Variants in USP37 observed in about 807,000 individuals in gnomAD.
The protein encoded by USP37 is ubiquitin specific peptidase 37.
Under a neutral mutation model 124.0 loss-of-function variants are expected in USP37, and 27 were observed. That is an observed-to-expected ratio of 0.22 (90% CI 0.16 to 0.30). The LOEUF (loss-of-function observed/expected upper bound fraction) is 0.30. Ranked by LOEUF, USP37 falls within the 10% of genes least tolerant of loss-of-function variation. The pLI, the probability that USP37 is intolerant of heterozygous loss-of-function variation, is 1.00. For synonymous variants in USP37, 365 were observed against 388.0 expected (o/e 0.94, Z 0.70); for missense variants, 889 against 1,140.4 (o/e 0.78, Z 3.17).
chr2:218,457,286 A>G, intron 23 of USP37, 125 bp from the exon 24 acceptor site: 1 of 906,352 alleles, frequency 1.1e-6, no homozygotes, highest in Non-Finnish European at 1.7e-6. Flanking sequence ...AGAATCAATT[A>G]AAAAATCTGT....
At position 218,454,654 on chromosome 2, in the gene USP37, A is replaced by G. The variant is rs769616490; in HGVS notation, c.*276T>C. ...TGTCTGTGTGTGTGTATACACACAT[A>G]CACAGATATATATTTACAACATGTA... On this transcript the variant is annotated 3_prime_UTR_variant, in exon 26 of 26. Coordinates refer to ENST00000258399, the MANE Select transcript of USP37 (RefSeq NM_020935.3). 14 of 423,292 alleles carry G rather than the reference A, an allele frequency of 3.3e-5. No homozygotes were observed. Among genetic ancestry groups the G allele is most frequent in the Middle Eastern group, 6.9e-4 (1 of 1,452 alleles). The allele number at this position is 423,292 out of a possible 1,614,324, so 26.2% of individuals were successfully genotyped here. A position where few individuals can be genotyped will look rare whatever the true frequency, so the allele number is the denominator to read the frequency against.
At chr2:218,530,066 A>C (rs938391462) in intron 9 of USP37, 26 bp from the exon 10 acceptor site, 7 of 1,556,868 alleles carry the variant, frequency 4.5e-6, no homozygotes, top group Non-Finnish European at 4.4e-6. Context: ...ACAAAGGAAA[A>C]ACTTAATTCC....
intron 8 of USP37, among the ~76,000 whole-genome samples, chr2:218,539,868 G>A (rs1015587796): frequency 2.5e-4 from 38 of 151,898 alleles, no homozygotes; most frequent in Non-Finnish European, 5.1e-4. Flanking sequence ...AAATTAGCCG[G>A]GTGTGATGGC....
At chr2:218,503,508 G>C (rs1003561104) in intron 11 of USP37, among the ~76,000 whole-genome samples, 18 of 152,312 alleles carry the variant, frequency 1.2e-4, no homozygotes, top group Non-Finnish European at 2.2e-4. Flanking sequence ...CTGAGGTCAG[G>C]AGTTCGAGAC....
At chr2:218,517,372 T>C (rs1489191470) in intron 10 of USP37, among the ~76,000 whole-genome samples, 1 of 152,230 alleles carries the variant, frequency 6.6e-6, no homozygotes. Flanking sequence ...TCTGAGTTCT[T>C]TTTCCATCTG....
At chr2:218,523,411 T>C (rs1690779425) in intron 10 of USP37, among the ~76,000 whole-genome samples, 1 of 152,272 alleles carries the variant, frequency 6.6e-6, no homozygotes, top group Admixed American at 6.5e-5. Flanking sequence ...AAAAAATTTC[T>C]AATGAAACTT....
intron 19 of USP37, among the ~76,000 whole-genome samples, chr2:218,475,627 C>G (rs911478138): frequency 1.3e-5 from 2 of 152,138 alleles, no homozygotes; most frequent in Non-Finnish European, 2.9e-5. Context: ...GTCCCAGCTA[C>G]TAGGGAGACA....
chr2:218,541,731 G>T (rs945272995), intron 8 of USP37, among the ~76,000 whole-genome samples: 1 of 152,094 alleles, frequency 6.6e-6, no homozygotes, highest in African/African-American at 2.4e-5. Flanking sequence ...GCAACAATAT[G>T]AAGAATCCAT....
intron 15 of USP37, among the ~76,000 whole-genome samples, chr2:218,486,615 GT>G (rs1188574378): frequency 2.6e-5 from 4 of 152,190 alleles, no homozygotes; most frequent in African/African-American, 7.2e-5. Context: ...TAGAAGCAGG[GT>G]TTTGCCGTGT....
intron 2 of USP37, among the ~76,000 whole-genome samples, chr2:218,561,275 T>A (rs1693297585): frequency 6.6e-6 from 1 of 152,242 alleles, no homozygotes; most frequent in Non-Finnish European, 1.5e-5. Flanking sequence ...CAGTTTCCCA[T>A]GCCAGAAACA....
chr2:218,455,477 C>G (rs1001001414), intron 25 of USP37, 103 bp downstream of exon 25: 61 of 1,468,518 alleles, frequency 4.2e-5, no homozygotes, highest in Non-Finnish European at 5.5e-5. Context: ...AATTTTCAAC[C>G]AATCAACTGA....
intron 8 of USP37, among the ~76,000 whole-genome samples, chr2:218,535,808 T>A (rs555903564): frequency 4.3e-4 from 65 of 150,708 alleles, no homozygotes; most frequent in Middle Eastern, 3.4e-3. Flanking sequence ...TGAGCCAAGA[T>A]CGCGCCACTG....
intron 9 of USP37, among the ~76,000 whole-genome samples, chr2:218,532,127 C>A (rs185535217): frequency 7.2e-5 from 11 of 152,216 alleles, no homozygotes; most frequent in Middle Eastern, 6.8e-3. Flanking sequence ...TACAGAGAAA[C>A]CTTTCATGAA....
chr2:218,560,121 A>G (rs1693234007), intron 3 of USP37, among the ~76,000 whole-genome samples: 1 of 152,254 alleles, frequency 6.6e-6, no homozygotes, highest in Non-Finnish European at 1.5e-5. Flanking sequence ...GTTATCAAAT[A>G]GTGTGTTACA....
At chr2:218,509,904 T>C (rs1689883739) in intron 11 of USP37, 75 bp downstream of exon 11, 1 of 1,356,288 alleles carries the variant, frequency 7.4e-7, no homozygotes, top group Non-Finnish European at 9.7e-7. Flanking sequence ...ACTCCTTTAA[T>C]TACATTTTAC....
At chr2:218,550,790 T>C (rs1225637447) in intron 5 of USP37, among the ~76,000 whole-genome samples, 1 of 152,146 alleles carries the variant, frequency 6.6e-6, no homozygotes, top group Admixed American at 6.5e-5. Context: ...CTGAATTCTC[T>C]ATTTGCAGTT....
chr2:218,548,062 T>C (rs547730104), intron 6 of USP37, among the ~76,000 whole-genome samples: 6 of 152,296 alleles, frequency 3.9e-5, no homozygotes, highest in Non-Finnish European at 8.8e-5. Context: ...GAATGAATAC[T>C]TTAAAAAGTT....
intron 15 of USP37, among the ~76,000 whole-genome samples, chr2:218,486,737 T>A (rs1210709501): frequency 6.6e-6 from 1 of 152,040 alleles, no homozygotes; most frequent in African/African-American, 2.4e-5. Context: ...ATTTTTTTTA[T>A]TTTTTTGAGA....
chr2:218,485,886 A>G, intron 15 of USP37, 143 bp from the exon 16 acceptor site: 1 of 811,880 alleles, frequency 1.2e-6, no homozygotes. Context: ...TAGAGCCATG[A>G]GCCTTACCAA....
Sources: gnomAD v4.1 joint callset for allele counts (sites outside exome capture counted in the v4.1 genomes callset) on GRCh38, gnomAD v4.1.1 for gene constraint, MANE v1.5 for transcripts, NCBI Gene and HGNC (gene_info 2026-07-23, HGNC 2026-07-21) for gene names.